The following PCCA variants were observed in gnomAD, a reference collection of about 807,000 sequenced individuals.
PCCA encodes the protein propionyl-CoA carboxylase subunit alpha.
A neutral mutation model predicts 101.3 loss-of-function variants in PCCA; 74 were observed. The ratio of observed to expected loss-of-function variants is 0.73; its 90% confidence interval spans 0.61 to 0.89. PCCA has a LOEUF of 0.89. Among genes scored for constraint, PCCA ranks in the 40% least tolerant of loss-of-function variants. The probability of loss-of-function intolerance (pLI) is 0.00; values close to 1 mark genes in which losing one functional copy is unlikely to be tolerated. For synonymous variants in PCCA, 294 were observed against 313.6 expected, an observed-to-expected ratio of 0.94 and a Z score of 0.66; for missense variants, 891 against 907.0, an observed-to-expected ratio of 0.98 and a Z score of 0.23.
At chr13:100,321,322 C>T (rs2068007048) in intron 16 of PCCA, among the ~76,000 whole-genome samples, 2 of 152,108 alleles carry the variant, frequency 1.3e-5, no homozygotes, top group African/African-American at 2.4e-5. Flanking sequence ...TTTTTGCCTA[C>T]CTAATTGATC....
intron 21 of PCCA, among the ~76,000 whole-genome samples, chr13:100,504,025 C>T (rs561025735): frequency 5.3e-5 from 8 of 152,176 alleles, no homozygotes; most frequent in African/African-American, 1.7e-4. Flanking sequence ...TTGACATTAC[C>T]GAAGGGGAGT....
chr13:100,247,330 C>T (rs532197986), intron 8 of PCCA, among the ~76,000 whole-genome samples: 1 of 150,926 alleles, frequency 6.6e-6, no homozygotes, highest in African/African-American at 2.4e-5. Context: ...CGTTCTCTTG[C>T]CTCAGCCTCC....
At chr13:100,382,950 G>A (rs1322852637) in intron 19 of PCCA, among the ~76,000 whole-genome samples, 1 of 152,038 alleles carries the variant, frequency 6.6e-6, no homozygotes, top group Non-Finnish European at 1.5e-5. Context: ...GGAAGGATCT[G>A]GGGGAAGATG....
chr13:100,198,590 G>GTGCAGGCTCACTGCAACCTCTGCCT (rs1459887858), intron 6 of PCCA: 1 of 152,116 alleles, frequency 6.6e-6, no homozygotes, highest in Admixed American at 6.6e-5. Flanking sequence ...ACCTCTGCCT[G>GTGCAGGCTCACTGCAACCTCTGCCT]CTGGCTCAAG....
intron 4 of PCCA, among the ~76,000 whole-genome samples, chr13:100,114,780 GT>G (rs2048647005): frequency 6.6e-6 from 1 of 152,174 alleles, no homozygotes; most frequent in Non-Finnish European, 1.5e-5. Context: ...GACATAACGA[GT>G]ACTGGCGAGG....
chr13:100,177,100 T>G (rs2056313003), intron 6 of PCCA, among the ~76,000 whole-genome samples: 1 of 152,208 alleles, frequency 6.6e-6, no homozygotes, highest in Non-Finnish European at 1.5e-5. Context: ...CTCAGCCAGT[T>G]AGAATTAAAG....
At chr13:100,259,613 G>C (rs533252976) in intron 9 of PCCA, among the ~76,000 whole-genome samples, 1 of 151,986 alleles carries the variant, frequency 6.6e-6, no homozygotes, top group Non-Finnish European at 1.5e-5. Context: ...GATTACAGGC[G>C]TGCACCACTG....
rs115080455 is a variant in PCCA, at chr13:100,113,270, A to G, written c.300+1209A>G. Among the ~76,000 whole-genome samples, 658 of 152,340 alleles carry G rather than the reference A, an allele frequency of 4.3e-3. 5 individuals are homozygous for G. Among genetic ancestry groups the G allele is most frequent in the African/African-American group, 0.015 (623 of 41,582 alleles). On this transcript the variant is annotated intron_variant, in intron 4 of 23. Transcript: ENST00000376285. ...AACACAATGGTAAGTATTTGTGTAT[A>G]TAAGTGTATCTAAACACAGAAAAGG...
chr13:100,295,661 A>C (rs1315106431), intron 12 of PCCA, among the ~76,000 whole-genome samples: 4 of 152,188 alleles, frequency 2.6e-5, no homozygotes, highest in Admixed American at 6.5e-5. Context: ...TGCCACACTG[A>C]TGTTGGTTAT....
At chr13:100,109,270 G>T (rs956694784) in intron 2 of PCCA, among the ~76,000 whole-genome samples, 4 of 152,198 alleles carry the variant, frequency 2.6e-5, no homozygotes, top group Admixed American at 1.3e-4. Context: ...GAAATGAGAG[G>T]CAAGAAGGGT....
chr13:100,218,064 G>C (rs1377443899), intron 7 of PCCA, among the ~76,000 whole-genome samples: 1 of 145,296 alleles, frequency 6.9e-6, no homozygotes. Flanking sequence ...AACAGAGTAA[G>C]ACTCTGTCTA....
Position 100,449,243 on chromosome 13 carries a change from G to T in PCCA, c.1846-9G>T, listed in dbSNP as rs141118743. On this transcript the variant is annotated splice_polypyrimidine_tract_variant and intron_variant, in intron 20 of 23. Coordinates refer to ENST00000376285, the MANE Select transcript of PCCA (RefSeq NM_000282.4). ...TGAGTTCATTTTATATCTCTTGTTT[G>T]TTTTTTAGTGTCTTTCTCGAGAAGC... The T allele has an allele frequency of 1.2e-3, 1,786 of 1,528,776 alleles. 18 individuals carry two copies. In the African/African-American group the frequency reaches 0.02, roughly 17 times the overall value. 94.7% of individuals were successfully genotyped at this position (1,528,776 alleles called of 1,614,324 possible).
At chr13:100,097,802 A>G (rs1353079980) in intron 1 of PCCA, among the ~76,000 whole-genome samples, 3 of 152,318 alleles carry the variant, frequency 2.0e-5, no homozygotes, top group Admixed American at 6.5e-5. Context: ...ACTTGAGGCC[A>G]GCAGTTCAAG....
chr13:100,124,973 G>A (rs1367681821), intron 4 of PCCA, among the ~76,000 whole-genome samples: 1 of 152,056 alleles, frequency 6.6e-6, no homozygotes, highest in Non-Finnish European at 1.5e-5. Context: ...AAGGAGTTAA[G>A]GTTCTTAATT....
At chr13:100,508,816 G>T (rs910102565) in intron 21 of PCCA, among the ~76,000 whole-genome samples, 10 of 152,174 alleles carry the variant, frequency 6.6e-5, no homozygotes, top group African/African-American at 2.2e-4. Flanking sequence ...TGCTTGGGGT[G>T]GGGGGTTCAG....
At chr13:100,386,478 T>C (rs2076509440) in intron 19 of PCCA, among the ~76,000 whole-genome samples, 1 of 152,102 alleles carries the variant, frequency 6.6e-6, no homozygotes, top group Admixed American at 6.6e-5. Flanking sequence ...GCCTCCCAGG[T>C]TCACACCATT....
intron 4 of PCCA, among the ~76,000 whole-genome samples, chr13:100,114,192 G>C (rs745623904): frequency 2.0e-5 from 3 of 152,024 alleles, no homozygotes. Context: ...GAAGATATTT[G>C]CAAACTACCC....
intron 11 of PCCA, among the ~76,000 whole-genome samples, chr13:100,271,426 C>T (rs1281406443): frequency 1.3e-5 from 2 of 151,802 alleles, no homozygotes; most frequent in East Asian, 3.9e-4. Flanking sequence ...ATATTCAAGG[C>T]TCTGAGTCTA....
chr13:100,435,138 G>A (rs142424469), intron 20 of PCCA, among the ~76,000 whole-genome samples: 17 of 152,304 alleles, frequency 1.1e-4, no homozygotes, highest in African/African-American at 3.8e-4. Flanking sequence ...GGGTTTAAAT[G>A]GCTCATGGTT....
Sources: allele counts gnomAD v4.1 joint callset (sites outside exome capture counted in the v4.1 genomes callset), GRCh38; gene constraint gnomAD v4.1.1; transcripts MANE v1.5; gene names NCBI Gene and HGNC (gene_info 2026-07-23, HGNC 2026-07-21).